Variants in APOBEC3C observed in about 807,000 individuals in gnomAD.
APOBEC3C encodes the protein DNA dC->dU-editing enzyme APOBEC-3C.
Under a neutral mutation model 20.6 loss-of-function variants are expected in APOBEC3C, and 14 were observed. The ratio of observed to expected loss-of-function variants is 0.68; its 90% CI spans 0.45 to 1.06. APOBEC3C has a LOEUF of 1.06. Ranked by LOEUF, APOBEC3C falls within the 50% of genes least tolerant of loss-of-function variation. The pLI, the probability that APOBEC3C is intolerant of heterozygous loss-of-function variation, is 0.00. For missense variants in APOBEC3C, 244 were observed against 241.9 expected (o/e 1.01, Z -0.06); for synonymous variants, 98 against 88.8 (o/e 1.10, Z -0.58).
chr22:39,014,463 C>T (rs1924710458), intron 1 of APOBEC3C, 84 bp downstream of exon 1: 2 of 1,570,216 alleles, frequency 1.3e-6, no homozygotes, highest in Admixed American at 1.7e-5. Flanking sequence ...TGGCCTCCCC[C>T]TGCCCCAGCC....
intron 2 of APOBEC3C, among the ~76,000 whole-genome samples, chr22:39,015,952 G>A (rs549509279): frequency 8.7e-5 from 13 of 148,910 alleles, no homozygotes; most frequent in East Asian, 2.0e-4. Context: ...TTCAGCTCAC[G>A]GCAACCTCTG....
chr22:39,014,768 G>A (rs571325048), intron 1 of APOBEC3C, among the ~76,000 whole-genome samples: 1 of 152,280 alleles, frequency 6.6e-6, no homozygotes, highest in South Asian at 2.1e-4. Context: ...CAGCGCTTTG[G>A]TGCAATTTCT....
intron 1 of APOBEC3C, among the ~76,000 whole-genome samples, chr22:39,015,290 C>A (rs571590523): frequency 1.4e-5 from 2 of 140,810 alleles, no homozygotes; most frequent in Non-Finnish European, 1.5e-5. Flanking sequence ...GAGATGCCGT[C>A]TTTAAAAAAA....
chr22:39,015,266 C>T (rs915829242), intron 1 of APOBEC3C, among the ~76,000 whole-genome samples: 1 of 150,656 alleles, frequency 6.6e-6, no homozygotes, highest in Non-Finnish European at 1.5e-5. Context: ...AAACTCCAGC[C>T]TGGGGGACAG....
intron 1 of APOBEC3C, 55 bp from the exon 2 acceptor site, chr22:39,015,540 C>G: frequency 6.3e-7 from 1 of 1,588,014 alleles, no homozygotes. Flanking sequence ...GGCATCAGCC[C>G]TGAGGACTCC....
At position 39,017,042 on chromosome 22, in the gene APOBEC3C, G is replaced by T. The variant is rs140017703; in HGVS notation, c.175-724G>T. Among the ~76,000 whole-genome samples, 1,430 of 152,226 alleles carry T rather than the reference G, an allele frequency of 9.4e-3. 25 individuals are homozygous for T. Among genetic ancestry groups the T allele is most frequent in the African/African-American group, 0.033 (1,368 of 41,546 alleles). ...AGGTTGGGAGTTCGAGACCAGCCTG[G>T]CTAACATGATGAAACCCAGTCTCTA... is the stretch of plus-strand genomic sequence containing the variant. On this transcript the variant is annotated intron_variant, in intron 2 of 3. Coordinates refer to ENST00000361441, the MANE Select transcript of APOBEC3C (RefSeq NM_014508.3).
In APOBEC3C at chr22:39,018,300, C is replaced by A. The variant is rs1924878572; in HGVS notation, c.486C>A (p.Tyr162Ter). The A allele has an allele frequency of 6.2e-7, 1 of 1,614,030 alleles. No homozygotes were observed. The highest frequency in any genetic ancestry group is 1.3e-5 in the African/African-American group (1 of 75,016). ...DFKYCWENFV[Y>*]NDNEPFKPWK... ...AATATTGTTGGGAAAACTTTGTGTACAATGATAATGAGCCATTCAAGCCTT... is the reference window on the plus strand; with the variant it reads ...AATATTGTTGGGAAAACTTTGTGTAAAATGATAATGAGCCATTCAAGCCTT... The change falls in exon 4 of 4, where the codon TAC (tyrosine) becomes TAA (stop). Residue 162 changes from tyrosine (Y) to a stop codon, truncating the protein, a stop_gained. Transcript: ENST00000361441. LOFTEE classifies it low-confidence loss of function (END_TRUNC).
At position 39,015,580 on chromosome 22, in the gene APOBEC3C, C is replaced by G; in HGVS notation, c.18-15C>G. On this transcript the variant is annotated splice_polypyrimidine_tract_variant and intron_variant, in intron 1 of 3. Transcript: ENST00000361441. ...CGGGGGTCTCTGCATTGGGGTTTCT[C>G]TCTTGTGCCTTCAGAAACCCGATGA... is the stretch of plus-strand genomic sequence containing the variant. 1.9e-6 allele frequency: 3 copies of G among 1,613,080 alleles called. No homozygotes were observed. The highest frequency in any genetic ancestry group is 2.5e-6 in the Non-Finnish European group (3 of 1,179,312).
At chr22:39,015,846 C>A in intron 2 of APOBEC3C, 95 bp downstream of exon 2, 1 of 1,258,802 alleles carries the variant, frequency 7.9e-7, no homozygotes, top group Non-Finnish European at 1.1e-6. Context: ...CGTGGGCTCT[C>A]CTGTGTGCAC....
At position 39,018,610 on chromosome 22, in the gene APOBEC3C, C is replaced by A. The variant is rs533616121; in HGVS notation, c.*223C>A. On this transcript the variant is annotated 3_prime_UTR_variant, in exon 4 of 4. Transcript: ENST00000361441. ...TGCCTCCATGGCTATCCATCCACCC[C>A]CACAGACCCCGTTCCTCCAGCCTGC... 5.2e-4 allele frequency: 241 copies of A among 459,736 alleles called. 3 individuals are homozygous for A. In the South Asian group the frequency reaches 5.3e-3, roughly 10 times the overall value. The allele number at this position is 459,736 out of a possible 1,614,324, so 28.5% of individuals were successfully genotyped here. A position where few individuals can be genotyped will look rare whatever the true frequency, so the allele number is the denominator to read the frequency against.
At position 39,018,172 on chromosome 22, in the gene APOBEC3C, C is replaced by T. The variant is rs555486779; in HGVS notation, c.455-97C>T. ...GTGGGGACCGGGCCAGCGCCCACTG[C>T]AACTGGCAGCCTGGATACCTGGGCT... On this transcript the variant is annotated intron_variant, in intron 3 of 3. Transcript: ENST00000361441. 6.4e-6 allele frequency: 10 copies of T among 1,568,400 alleles called. No homozygotes were observed. In the Admixed American group the frequency reaches 1.8e-4, roughly 29 times the overall value.
chr22:39,018,300 C>T lies in APOBEC3C; in HGVS notation c.486C>T (p.Tyr162=). 15 of 1,614,028 alleles carry T rather than the reference C, an allele frequency of 9.3e-6. No homozygotes were observed. Among genetic ancestry groups the T allele is most frequent in the Non-Finnish European group, 1.1e-5 (13 of 1,179,954 alleles). Reference sequence around the variant, plus strand: ...AATATTGTTGGGAAAACTTTGTGTACAATGATAATGAGCCATTCAAGCCTT... The same window carrying T: ...AATATTGTTGGGAAAACTTTGTGTATAATGATAATGAGCCATTCAAGCCTT... The part of the protein sequence containing the change: ...DFKYCWENFV[Y]NDNEPFKPWK... Residue 162 remains tyrosine, a synonymous_variant, in exon 4 of 4, where the codon TAC becomes TAT. Coordinates refer to ENST00000361441, the MANE Select transcript of APOBEC3C (RefSeq NM_014508.3).
Position 39,015,378 on chromosome 22 carries a change from A to G in APOBEC3C, c.18-217A>G, listed in dbSNP as rs890159447. On this transcript the variant is annotated intron_variant, in intron 1 of 3. Coordinates refer to ENST00000361441, the MANE Select transcript of APOBEC3C (RefSeq NM_014508.3). ...CCCCAGAGCTGGGGTTCCAGCTAGGAGAGGTCACCCCGGCCCTGCTGCCCC... is the reference window on the plus strand; with the variant it reads ...CCCCAGAGCTGGGGTTCCAGCTAGGGGAGGTCACCCCGGCCCTGCTGCCCC... 3.3e-5 allele frequency among the ~76,000 whole-genome samples: 5 copies of G among 151,062 alleles called. No homozygotes were observed. In the South Asian group the frequency reaches 1.0e-3, roughly 32 times the overall value.
At chr22:39,018,085 A>G in intron 3 of APOBEC3C, 40 bp downstream of exon 3, 1 of 1,606,166 alleles carries the variant, frequency 6.2e-7, no homozygotes, top group Non-Finnish European at 8.5e-7. Flanking sequence ...TGCAGGAGGG[A>G]CAGCATGAGG....
At chr22:39,018,217 C>A in intron 3 of APOBEC3C, 52 bp from the exon 4 acceptor site, 1 of 1,592,968 alleles carries the variant, frequency 6.3e-7, no homozygotes, top group South Asian at 1.1e-5. Context: ...GGGCCCAGGG[C>A]CAGGAGAGAG....
intron 3 of APOBEC3C, 82 bp from the exon 4 acceptor site, chr22:39,018,187 A>G: frequency 6.4e-7 from 1 of 1,571,816 alleles, no homozygotes; most frequent in South Asian, 1.2e-5. Flanking sequence ...GGCAGCCTGG[A>G]TACCTGGGCT....
chr22:39,015,434 C>T (rs971142934), intron 1 of APOBEC3C, among the ~76,000 whole-genome samples, 161 bp from the exon 2 acceptor site: 5 of 152,150 alleles, frequency 3.3e-5, no homozygotes, highest in East Asian at 1.9e-4. Flanking sequence ...TCTCTCTCCC[C>T]GTCTTCCTGC....
intron 1 of APOBEC3C, 148 bp from the exon 2 acceptor site, chr22:39,015,446 TG>T: frequency 1.1e-6 from 1 of 934,970 alleles, no homozygotes; most frequent in Non-Finnish European, 1.6e-6. Context: ...TCTTCCTGCC[TG>T]GGAAAGCAGC....
chr22:39,017,876 C>G lies in APOBEC3C; in HGVS notation c.285C>G (p.Ser95Arg). The G allele has an allele frequency of 1.9e-6, 3 of 1,614,192 alleles. No individual in the cohort carries two copies. The highest frequency in any genetic ancestry group is 2.5e-6 in the Non-Finnish European group (3 of 1,180,034). Residue 95 changes from serine (S) to arginine (R), a missense_variant, in exon 3 of 4, where the codon AGC becomes AGG. Transcript: ENST00000361441. ...KYQVTWYTSWSPCPDCAGEVA... is the reference protein window; with the variant it reads ...KYQVTWYTSWRPCPDCAGEVA... Reference sequence around the variant, plus strand: ...AGGTCACCTGGTACACATCTTGGAGCCCTTGCCCAGACTGTGCAGGGGAGG... The same window carrying G: ...AGGTCACCTGGTACACATCTTGGAGGCCTTGCCCAGACTGTGCAGGGGAGG...
Sources: allele counts gnomAD v4.1 joint callset (sites outside exome capture counted in the v4.1 genomes callset), GRCh38; gene constraint gnomAD v4.1.1; transcripts MANE v1.5; gene names NCBI Gene and HGNC (gene_info 2026-07-23, HGNC 2026-07-21).